The following PCDH9 variants were observed in gnomAD, a reference collection of about 807,000 sequenced individuals.
The protein encoded by PCDH9 is protocadherin-9.
In PCDH9, 24 loss-of-function variants were observed where a neutral mutation model predicts 70.6. The ratio of observed to expected loss-of-function variants is 0.34; its 90% CI spans 0.25 to 0.48. The LOEUF is 0.48. Ranked by LOEUF, PCDH9 falls within the 20% of genes least tolerant of loss-of-function variation. The pLI is 0.99. For missense variants in PCDH9, 1,281 were observed against 1,503.6 expected (o/e 0.85, Z 2.45); for synonymous variants, 562 against 558.5 (o/e 1.01, Z -0.09).
At chr13:66,387,302 C>G (rs962707216) in intron 4 of PCDH9, among the ~76,000 whole-genome samples, 2 of 152,026 alleles carry the variant, frequency 1.3e-5, no homozygotes, top group African/African-American at 4.8e-5. Context: ...TGTGAAATTT[C>G]CCATAAAATT....
intron 4 of PCDH9, among the ~76,000 whole-genome samples, chr13:66,500,718 G>A (rs1013707611): frequency 4.0e-5 from 6 of 151,838 alleles, no homozygotes; most frequent in Admixed American, 6.6e-5. Context: ...GAAAGCCTAC[G>A]GTATATTCTT....
At chr13:66,349,226 C>T (rs889141159) in intron 4 of PCDH9, among the ~76,000 whole-genome samples, 2 of 152,122 alleles carry the variant, frequency 1.3e-5, no homozygotes, top group African/African-American at 4.8e-5. Context: ...ATACTAGACC[C>T]TCCCTAAATA....
At chr13:66,973,498 A>G (rs113861772) in intron 2 of PCDH9, among the ~76,000 whole-genome samples, 3 of 152,112 alleles carry the variant, frequency 2.0e-5, no homozygotes, top group African/African-American at 7.2e-5. Context: ...CTCAAAGAAA[A>G]AGGAAGAGGT....
In PCDH9 at chr13:66,930,774, T is replaced by C. The variant is rs73503488; in HGVS notation, c.3037-27169A>G. On this transcript the variant is annotated intron_variant, in intron 2 of 4. Transcript: ENST00000377865. Reference sequence around the variant, plus strand: ...CATAATGGCATCAATGTTACCTCTTTTAATGTAATTTTGTGTAGGTGTCCA... The same window carrying C: ...CATAATGGCATCAATGTTACCTCTTCTAATGTAATTTTGTGTAGGTGTCCA... 5.0e-3 allele frequency among the ~76,000 whole-genome samples: 757 copies of C among 152,264 alleles called. 6 individuals are homozygous for C. The highest frequency in any genetic ancestry group is 0.017 in the African/African-American group (712 of 41,552).
At chr13:66,593,691 TC>T in intron 4 of PCDH9, among the ~76,000 whole-genome samples, 1 of 151,850 alleles carries the variant, frequency 6.6e-6, no homozygotes, top group South Asian at 2.1e-4. Flanking sequence ...TGGAAAACAT[TC>T]TTTTTGAAGC....
intron 3 of PCDH9, among the ~76,000 whole-genome samples, chr13:66,703,982 A>G (rs903605754): frequency 6.6e-6 from 1 of 152,220 alleles, no homozygotes; most frequent in Non-Finnish European, 1.5e-5. Context: ...ATTAATTTTA[A>G]TTCAGTTCAT....
At chr13:66,730,003 C>G (rs2079051921) in intron 3 of PCDH9, among the ~76,000 whole-genome samples, 1 of 152,162 alleles carries the variant, frequency 6.6e-6, no homozygotes, top group South Asian at 2.1e-4. Context: ...CAAAAGTTTT[C>G]TGAATGACTG....
chr13:66,942,737 T>A (rs79868670), intron 2 of PCDH9, among the ~76,000 whole-genome samples: 2 of 152,074 alleles, frequency 1.3e-5, no homozygotes, highest in Admixed American at 1.3e-4. Flanking sequence ...ATCATCAGAA[T>A]TGCACAATTG....
chr13:66,800,616 A>G (rs1459029038), intron 3 of PCDH9, among the ~76,000 whole-genome samples: 1 of 152,180 alleles, frequency 6.6e-6, no homozygotes, highest in Non-Finnish European at 1.5e-5. Flanking sequence ...ATAAATAAAA[A>G]GTACTTTGCT....
intron 3 of PCDH9, among the ~76,000 whole-genome samples, chr13:66,655,756 A>C (rs1310285071): frequency 6.6e-6 from 1 of 152,220 alleles, no homozygotes; most frequent in Non-Finnish European, 1.5e-5. Context: ...CAAGAATGAT[A>C]TCTTTTGCTT....
chr13:66,438,849 A>T (rs1168584189), intron 4 of PCDH9, among the ~76,000 whole-genome samples: 1 of 152,226 alleles, frequency 6.6e-6, no homozygotes, highest in Non-Finnish European at 1.5e-5. Flanking sequence ...GGGTTGTTAT[A>T]GCAGCAAGCC....
chr13:67,178,104 T>G (rs2088513941), intron 2 of PCDH9, among the ~76,000 whole-genome samples: 1 of 152,094 alleles, frequency 6.6e-6, no homozygotes, highest in South Asian at 2.1e-4. Flanking sequence ...CCCAAGGTTG[T>G]CCTTTTCTTC....
rs1045441534 is a variant in PCDH9, at chr13:67,109,732, C to G, written c.3036+115673G>C. Among the ~76,000 whole-genome samples, 6 of 152,064 alleles carry G rather than the reference C, an allele frequency of 3.9e-5. No individual in the cohort carries two copies. In the South Asian group the frequency reaches 1.2e-3, roughly 32 times the overall value. On this transcript the variant is annotated intron_variant, in intron 2 of 4. Coordinates refer to ENST00000377865, the MANE Select transcript of PCDH9 (RefSeq NM_203487.3). ...AATAGTAAAATATTTTATTTTCAAT[C>G]AAAATATTTCTTTGGGTTAATTTTT... is the stretch of plus-strand genomic sequence containing the variant.
intron 3 of PCDH9, among the ~76,000 whole-genome samples, chr13:66,716,820 C>A (rs552754988): frequency 2.8e-4 from 42 of 152,248 alleles, no homozygotes; most frequent in African/African-American, 9.6e-4. Context: ...TTAAGCTTCT[C>A]ACTTGAACAG....
At chr13:66,789,840 T>TTGTC (rs1245033983) in intron 3 of PCDH9, among the ~76,000 whole-genome samples, 1 of 152,166 alleles carries the variant, frequency 6.6e-6, no homozygotes, top group Non-Finnish European at 1.5e-5. Context: ...ATCTAGAACT[T>TTGTC]TGTCTGTCAT....
chr13:67,020,691 T>A (rs1213413085), intron 2 of PCDH9, among the ~76,000 whole-genome samples: 1 of 152,150 alleles, frequency 6.6e-6, no homozygotes, highest in Non-Finnish European at 1.5e-5. Flanking sequence ...TAAACAAATA[T>A]CTGAAAAGAG....
intron 2 of PCDH9, among the ~76,000 whole-genome samples, chr13:67,182,860 C>T (rs546918122): frequency 3.3e-5 from 5 of 152,104 alleles, no homozygotes; most frequent in Non-Finnish European, 7.4e-5. Context: ...TTCTTCACTA[C>T]TATTCCTAAT....
chr13:66,689,466 TG>T (rs915053196), intron 3 of PCDH9, among the ~76,000 whole-genome samples: 9 of 152,126 alleles, frequency 5.9e-5, no homozygotes, highest in Admixed American at 1.3e-4. Context: ...ACTGCCTTCA[TG>T]GGGGAAATGT....
intron 3 of PCDH9, among the ~76,000 whole-genome samples, chr13:66,823,107 T>C (rs4630424): frequency 0.52 from 79,006 of 151,738 alleles, 21,728 homozygotes; most frequent in South Asian, 0.66. Context: ...TATTGAGAAA[T>C]AGAAATGTAG....
Sources: gnomAD v4.1 joint callset for allele counts (sites outside exome capture counted in the v4.1 genomes callset) on GRCh38, gnomAD v4.1.1 for gene constraint, MANE v1.5 for transcripts, NCBI Gene and HGNC (gene_info 2026-07-23, HGNC 2026-07-21) for gene names.